The following VTI1A variants were observed in gnomAD, a reference collection of about 807,000 sequenced individuals.
VTI1A encodes the protein vesicle transport through interaction with t-SNAREs 1A.
VTI1A carries 22 observed loss-of-function variants against 34.9 expected under a neutral mutation model. That is an observed-to-expected ratio of 0.63 (90% CI 0.45 to 0.90). VTI1A has a LOEUF of 0.90. Among genes scored for constraint, VTI1A ranks in the 40% least tolerant of loss-of-function variants. The pLI is 0.00. For missense variants in VTI1A, 268 were observed against 275.6 expected (o/e 0.97, Z 0.20); for synonymous variants, 87 against 97.3 (o/e 0.89, Z 0.62).
intron 7 of VTI1A, among the ~76,000 whole-genome samples, chr10:112,783,852 C>T (rs186451615): frequency 4.7e-4 from 72 of 152,254 alleles, no homozygotes; most frequent in Admixed American, 7.9e-4. Flanking sequence ...CCCCAGAGTC[C>T]GGGGAGTCTA....
chr10:112,591,573 G>T (rs1256867420), intron 5 of VTI1A, among the ~76,000 whole-genome samples: 1 of 151,962 alleles, frequency 6.6e-6, no homozygotes, highest in Non-Finnish European at 1.5e-5. Flanking sequence ...AAACAATTGT[G>T]TACTGTTTAA....
intron 5 of VTI1A, among the ~76,000 whole-genome samples, chr10:112,610,712 T>C (rs1288907362): frequency 1.3e-5 from 2 of 151,890 alleles, no homozygotes; most frequent in African/African-American, 4.8e-5. Flanking sequence ...GTCAGGAGAT[T>C]GAGACCATCC....
At chr10:112,505,836 G>T (rs1849411032) in intron 3 of VTI1A, among the ~76,000 whole-genome samples, 1 of 151,790 alleles carries the variant, frequency 6.6e-6, no homozygotes, top group Non-Finnish European at 1.5e-5. Context: ...ACCACACCTG[G>T]CTAATTTAAA....
chr10:112,452,740 T>C (rs972049121), intron 1 of VTI1A, among the ~76,000 whole-genome samples: 1 of 146,700 alleles, frequency 6.8e-6, no homozygotes, highest in African/African-American at 2.5e-5. Context: ...TTGTTTTTGT[T>C]TTTTTTTTTT....
At chr10:112,617,811 G>A (rs1313514042) in intron 5 of VTI1A, among the ~76,000 whole-genome samples, 1 of 152,134 alleles carries the variant, frequency 6.6e-6, no homozygotes, top group African/African-American at 2.4e-5. Context: ...AATTAAAGGT[G>A]CCATTTACAA....
At chr10:112,825,766 T>G in the VTI1A span, 1 of 152,230 alleles carries the variant, frequency 6.6e-6, no homozygotes, top group African/African-American at 2.4e-5. Flanking sequence ...TCTTCCTTCT[T>G]TCAACCTTCC....
chr10:112,630,385 C>G (rs1390341518), intron 5 of VTI1A, among the ~76,000 whole-genome samples: 3 of 152,130 alleles, frequency 2.0e-5, no homozygotes, highest in Non-Finnish European at 4.4e-5. Context: ...TAGGTATGCT[C>G]TCCAGGAAAA....
the VTI1A span, among the ~76,000 whole-genome samples, chr10:112,851,562 G>A: frequency 6.6e-6 from 1 of 152,202 alleles, no homozygotes; most frequent in African/African-American, 2.4e-5. Context: ...CCTTCCTCAA[G>A]GGTGTTTGGG....
At chr10:112,495,546 A>G (rs996728706) in intron 3 of VTI1A, among the ~76,000 whole-genome samples, 7 of 152,190 alleles carry the variant, frequency 4.6e-5, no homozygotes, top group African/African-American at 1.7e-4. Context: ...TTGTAGAATC[A>G]GTAATTCACT....
intron 5 of VTI1A, among the ~76,000 whole-genome samples, chr10:112,616,016 A>C (rs1414399243): frequency 1.3e-5 from 2 of 152,212 alleles, no homozygotes; most frequent in Non-Finnish European, 2.9e-5. Flanking sequence ...ATTAAGCATC[A>C]AAGTTCTCAA....
At position 112,538,268 on chromosome 10, in the gene VTI1A, CAG is replaced by C. The variant is rs1850726802; in HGVS notation, c.370_371del (p.Arg124AlafsTer30). ...CAGAGGGCACATCTGCTCGATAACA[CAG>C]AGAGGCTGGAAAGGTCATCTCGGAG... On this transcript the variant is annotated frameshift_variant, in exon 5 of 8. Coordinates refer to ENST00000393077, the MANE Select transcript of VTI1A (RefSeq NM_145206.4). LOFTEE classifies it high-confidence loss of function. 2 of 1,612,988 alleles carry C rather than the reference CAG, an allele frequency of 1.2e-6. No individual in the cohort carries two copies. The highest frequency in any genetic ancestry group is 1.7e-6 in the Non-Finnish European group (2 of 1,179,738).
intron 7 of VTI1A, among the ~76,000 whole-genome samples, chr10:112,682,496 A>ATTTT (rs1363940903): frequency 1.3e-5 from 2 of 152,246 alleles, no homozygotes; most frequent in East Asian, 3.8e-4. Context: ...TAAGTGTTAA[A>ATTTT]TATGAGTAGA....
intron 5 of VTI1A, among the ~76,000 whole-genome samples, chr10:112,647,739 T>A (rs1846857145): frequency 6.6e-6 from 1 of 152,214 alleles, no homozygotes; most frequent in Non-Finnish European, 1.5e-5. Flanking sequence ...TAATTATACT[T>A]TGTCTCTGCA....
intron 4 of VTI1A, among the ~76,000 whole-genome samples, chr10:112,534,935 G>A (rs1409217322): frequency 2.0e-5 from 3 of 152,104 alleles, no homozygotes; most frequent in Non-Finnish European, 4.4e-5. Flanking sequence ...TGAAGCCCTT[G>A]CCCCTGAATT....
chr10:112,530,364 A>G (rs1245588521), intron 4 of VTI1A, among the ~76,000 whole-genome samples: 3 of 152,172 alleles, frequency 2.0e-5, no homozygotes, highest in Non-Finnish European at 2.9e-5. Context: ...GAATGTAGTG[A>G]TGTTGTATTT....
At chr10:112,664,053 C>T (rs561604617) in intron 5 of VTI1A, among the ~76,000 whole-genome samples, 1 of 152,276 alleles carries the variant, frequency 6.6e-6, no homozygotes, top group Non-Finnish European at 1.5e-5. Context: ...AGAAGATAAC[C>T]TTACCTTCTC....
chr10:112,606,886 C>T (rs972956974), intron 5 of VTI1A, among the ~76,000 whole-genome samples: 4 of 152,196 alleles, frequency 2.6e-5, no homozygotes, highest in African/African-American at 9.7e-5. Flanking sequence ...GCAACAGCTA[C>T]CACGTAGTAT....
rs1034700563 is a variant in VTI1A, at chr10:112,818,637, G to A, written c.*3254G>A. The stretch of plus-strand genomic sequence containing the variant: ...AAAAACTTGACAAGGAAATAATTGC[G>A]CATTGCCAGCAACTTGGCGCCTGTT... On this transcript the variant is annotated 3_prime_UTR_variant, in exon 8 of 8. Transcript: ENST00000393077. 4.5e-6 allele frequency: 1 copy of A among 220,512 alleles called. No homozygotes were observed. The highest frequency in any genetic ancestry group is 6.6e-5 in the East Asian group (1 of 15,040). 13.7% of individuals were successfully genotyped at this position (220,512 alleles called of 1,614,324 possible). A position where few individuals can be genotyped will look rare whatever the true frequency, so the allele number is the denominator to read the frequency against.
intron 1 of VTI1A, among the ~76,000 whole-genome samples, chr10:112,451,199 G>A (rs944690428): frequency 6.6e-6 from 1 of 152,146 alleles, no homozygotes; most frequent in African/African-American, 2.4e-5. Flanking sequence ...CAATTGCTTG[G>A]CCTTTCTAGG....
Sources: allele counts gnomAD v4.1 joint callset (sites outside exome capture counted in the v4.1 genomes callset), GRCh38; gene constraint gnomAD v4.1.1; transcripts MANE v1.5; gene names NCBI Gene and HGNC (gene_info 2026-07-23, HGNC 2026-07-21).